BCO1: variants seen among roughly 807,000 people sequenced by gnomAD.
BCO1 encodes the protein beta,beta-carotene 15,15'-dioxygenase.
A neutral mutation model predicts 56.3 loss-of-function variants in BCO1; 54 were observed. The observed-to-expected ratio is 0.96, with a 90% confidence interval of 0.77 to 1.20. The LOEUF is 1.20. Among genes scored for constraint, BCO1 ranks in the 50% most tolerant of loss-of-function variants. The probability of loss-of-function intolerance (pLI) is 0.00; values close to 1 mark genes in which losing one functional copy is unlikely to be tolerated. For synonymous variants in BCO1, 318 were observed against 266.1 expected, an observed-to-expected ratio of 1.20 and a Z score of -1.90; for missense variants, 801 against 690.9, an observed-to-expected ratio of 1.16 and a Z score of -1.79.
intron 1 of BCO1, among the ~76,000 whole-genome samples, chr16:81,240,606 G>A (rs948849422): frequency 9.2e-5 from 14 of 151,912 alleles, no homozygotes; most frequent in Non-Finnish European, 2.1e-4. Flanking sequence ...TCAGGAGGAT[G>A]AGGTAGTAGA....
rs141202792 is a variant in BCO1 at position 81,270,286 on chromosome 16, T to C, written c.971T>C (p.Ile324Thr). The change falls in exon 7 of 11, where the codon ATT (isoleucine) becomes ACT (threonine). Residue 324 changes from isoleucine to threonine, a missense_variant. Ile to Thr is a moderately conservative substitution (Grantham distance 89). Coordinates refer to ENST00000258168, the MANE Select transcript of BCO1 (RefSeq NM_017429.3). ...GACGGCTGCATCGTGTTTGACGTCATTGCCTACGAGGACAACAGCCTCTAC... is the reference window on the plus strand; with the variant it reads ...GACGGCTGCATCGTGTTTGACGTCACTGCCTACGAGGACAACAGCCTCTAC... ...EEDGCIVFDV[I>T]AYEDNSLYQL... 1.4e-3 allele frequency: 2,233 copies of C among 1,614,186 alleles called. 1 individual carries two copies. The highest frequency in any genetic ancestry group is 1.8e-3 in the Non-Finnish European group (2,067 of 1,180,042).
chr16:81,247,550 G>C (rs931303377), intron 2 of BCO1, among the ~76,000 whole-genome samples: 20 of 151,726 alleles, frequency 1.3e-4, no homozygotes, highest in African/African-American at 4.4e-4. Context: ...TTTTGAGACA[G>C]AGTTTCGCTC....
rs776403869 is a variant in BCO1 at position 81,245,563 on chromosome 16, C to A, written c.153C>A (p.Phe51Leu). ...TVGESRYNHW[F>L]DGLALLHSFT... ...GGGAGTCCAGATACAACCATTGGTTCGACGGCCTTGCCCTGCTCCACAGCT... is the reference window on the plus strand; with the variant it reads ...GGGAGTCCAGATACAACCATTGGTTAGACGGCCTTGCCCTGCTCCACAGCT... Residue 51 changes from phenylalanine (F) to leucine (L), a missense_variant, in exon 2 of 11, where the codon TTC becomes TTA. Physicochemically the swap from Phe to Leu is conservative, Grantham distance 22. Transcript: ENST00000258168. 1 of 1,614,198 alleles carries A rather than the reference C, an allele frequency of 6.2e-7. No individual in the cohort carries two copies. Among genetic ancestry groups the A allele is most frequent in the South Asian group, 1.1e-5 (1 of 91,084 alleles).
At chr16:81,243,336 A>T (rs903824184) in intron 1 of BCO1, among the ~76,000 whole-genome samples, 15 of 152,094 alleles carry the variant, frequency 9.9e-5, no homozygotes, top group African/African-American at 3.6e-4. Context: ...CCTTAGTGTG[A>T]TCCTGTTGAC....
intron 8 of BCO1, among the ~76,000 whole-genome samples, chr16:81,283,629 G>A (rs1307743873): frequency 1.3e-5 from 2 of 151,828 alleles, no homozygotes; most frequent in East Asian, 1.9e-4. Context: ...ACCTTCATCT[G>A]GGCCTGTCCC....
intron 2 of BCO1, among the ~76,000 whole-genome samples, chr16:81,258,078 G>T (rs1219206275): frequency 6.6e-6 from 1 of 152,084 alleles, no homozygotes; most frequent in Admixed American, 6.6e-5. Flanking sequence ...GAAGGCAGCA[G>T]CTTCTCAAAG....
At chr16:81,242,192 CTTTTTT>C (rs796252592) in intron 1 of BCO1, among the ~76,000 whole-genome samples, 4 of 78,734 alleles carry the variant, frequency 5.1e-5, no homozygotes, top group East Asian at 3.8e-4. Flanking sequence ...ACTTGGCTGT[CTTTTTT>C]TTTTTTTTTT....
chr16:81,261,299 C>G (rs1906467280), intron 3 of BCO1, among the ~76,000 whole-genome samples: 1 of 152,194 alleles, frequency 6.6e-6, no homozygotes, highest in Non-Finnish European at 1.5e-5. Context: ...CACCCATAAA[C>G]CCCTCTGGTT....
intron 2 of BCO1, among the ~76,000 whole-genome samples, chr16:81,247,780 C>T (rs1905512363): frequency 6.6e-6 from 1 of 152,100 alleles, no homozygotes; most frequent in Admixed American, 6.5e-5. Flanking sequence ...CCCACCTCGG[C>T]CTCCCAAAGT....
intron 2 of BCO1, among the ~76,000 whole-genome samples, chr16:81,259,256 G>A (rs1458158224): frequency 1.3e-5 from 2 of 152,154 alleles, no homozygotes; most frequent in Non-Finnish European, 2.9e-5. Context: ...CACTTTGGGA[G>A]GCTGAGGCGG....
At chr16:81,245,422 G>A in intron 1 of BCO1, 53 bp from the exon 2 acceptor site, 2 of 1,613,942 alleles carry the variant, frequency 1.2e-6, no homozygotes, top group African/African-American at 1.3e-5. Flanking sequence ...ATTTCTTCCA[G>A]CATTTTGGTT....
intron 1 of BCO1, among the ~76,000 whole-genome samples, chr16:81,243,329 T>C (rs554637972): frequency 6.6e-6 from 1 of 152,302 alleles, no homozygotes; most frequent in South Asian, 2.1e-4. Context: ...TCAGGACCCT[T>C]AGTGTGATCC....
chr16:81,284,931 G>A (rs1210410006), intron 8 of BCO1, among the ~76,000 whole-genome samples: 1 of 151,468 alleles, frequency 6.6e-6, no homozygotes, highest in East Asian at 1.9e-4. Context: ...CTGCCTCCTG[G>A]GTTCAAGTGA....
intron 7 of BCO1, among the ~76,000 whole-genome samples, chr16:81,270,686 C>CTGTGTGTGTGTGTGTG (rs762227797): frequency 3.4e-5 from 1 of 29,566 alleles, no homozygotes; most frequent in Non-Finnish European, 8.9e-5. Flanking sequence ...GTCTCTCTCT[C>CTGTGTGTGTGTGTGTG]TGTGTCTGTG....
intron 8 of BCO1, among the ~76,000 whole-genome samples, chr16:81,285,246 A>G (rs192601318): frequency 1.1e-4 from 17 of 152,358 alleles, no homozygotes; most frequent in African/African-American, 4.1e-4. Flanking sequence ...TCTGATTTTA[A>G]TCATGCAATT....
chr16:81,250,777 C>T (rs1431097192), intron 2 of BCO1, among the ~76,000 whole-genome samples: 5 of 151,970 alleles, frequency 3.3e-5, no homozygotes, highest in Non-Finnish European at 5.9e-5. Flanking sequence ...GATAGGGTCT[C>T]GCCATGTTGG....
chr16:81,264,521 G>T, intron 4 of BCO1, 119 bp from the exon 5 acceptor site: 1 of 1,224,296 alleles, frequency 8.2e-7, no homozygotes, highest in Non-Finnish European at 1.2e-6. Context: ...TCTGAACCTA[G>T]AATCAGTCAC....
intron 7 of BCO1, among the ~76,000 whole-genome samples, chr16:81,279,605 C>A (rs991149543): frequency 1.3e-5 from 2 of 152,160 alleles, no homozygotes; most frequent in Non-Finnish European, 2.9e-5. Flanking sequence ...GATGCATATG[C>A]TATTAATATA....
rs182382572 is a variant in BCO1, at chr16:81,248,231, G to A, written c.193+2628G>A. On this transcript the variant is annotated intron_variant, in intron 2 of 10. Transcript: ENST00000258168. ...AGCCTGGCCAACATGGTGAAACCCC[G>A]TCTCTACTAAAAATACAAAAAATTA... Among the ~76,000 whole-genome samples, 4 of 151,162 alleles carry A rather than the reference G, an allele frequency of 2.6e-5. No individual in the cohort carries two copies. In the East Asian group the frequency reaches 7.8e-4, roughly 30 times the overall value.
Sources: allele counts gnomAD v4.1 joint callset (sites outside exome capture counted in the v4.1 genomes callset), GRCh38; gene constraint gnomAD v4.1.1; transcripts MANE v1.5; gene names NCBI Gene and HGNC (gene_info 2026-07-23, HGNC 2026-07-21).